The following NEMF variants were observed in gnomAD, a reference collection of about 807,000 sequenced individuals.
The protein encoded by NEMF is nuclear export mediator factor, also known as ribosome quality control complex subunit NEMF.
A neutral mutation model predicts 162.2 loss-of-function variants in NEMF; 89 were observed. The observed-to-expected ratio is 0.55, with a 90% CI of 0.46 to 0.65. The LOEUF (loss-of-function observed/expected upper bound fraction) is 0.65, where lower values mean the gene tolerates loss of function less well. Ranked by LOEUF, NEMF falls within the 30% of genes least tolerant of loss-of-function variation. The pLI is 0.00. For missense variants in NEMF, 1,133 were observed against 1,261.9 expected (o/e 0.90, Z 1.55); for synonymous variants, 421 against 404.5 (o/e 1.04, Z -0.49).
chr14:49,841,226 A>C (rs1387541811), intron 4 of NEMF, among the ~76,000 whole-genome samples: 20 of 150,812 alleles, frequency 1.3e-4, no homozygotes, highest in African/African-American at 4.9e-4. Flanking sequence ...AAGGAAATAA[A>C]AAAACAAAAC....
In NEMF at chr14:49,851,572, A is replaced by G. The variant is rs1211500329; in HGVS notation, c.222T>C (p.Phe74=). The G allele has an allele frequency of 1.9e-6, 3 of 1,611,084 alleles. No homozygotes were observed. The highest frequency in any genetic ancestry group is 1.7e-6 in the Non-Finnish European group (2 of 1,177,732). Residue 74 remains phenylalanine, a synonymous_variant, in exon 3 of 33, where the codon TTT becomes TTC. Coordinates refer to ENST00000298310, the MANE Select transcript of NEMF (RefSeq NM_004713.6). ...EWPKNMMPSS[F]AMKCRKHLKS... ...AGCGTAACAAGTTTACCTTCATGGC[A>G]AAACTAGACGGCATCATATTCTTAG... is the stretch of plus-strand genomic sequence containing the variant.
chr14:49,810,323 C>T (rs1460653108), intron 18 of NEMF, among the ~76,000 whole-genome samples: 1 of 152,088 alleles, frequency 6.6e-6, no homozygotes, highest in Non-Finnish European at 1.5e-5. Context: ...GCCGAGATCA[C>T]ACCACTGCAC....
At position 49,784,721 on chromosome 14, in the gene NEMF, A is replaced by C; in HGVS notation, c.3154-8T>G. The C allele has an allele frequency of 6.2e-7, 1 of 1,609,484 alleles. No individual in the cohort carries two copies. The highest frequency in any genetic ancestry group is 8.5e-7 in the Non-Finnish European group (1 of 1,176,534). On this transcript the variant is annotated splice_region_variant and splice_polypyrimidine_tract_variant and intron_variant, in intron 32 of 32. Transcript: ENST00000298310. ...TCTTGATAAATCTGTGTCCTAAAAA[A>C]AGAAAATTGCTGAATATCTTCACAT...
Position 49,800,631 on chromosome 14 carries a change from T to A in NEMF, c.2161A>T (p.Met721Leu), listed in dbSNP as rs146943011. The A allele has an allele frequency of 2.5e-6, 4 of 1,611,794 alleles. No individual in the cohort carries two copies. Among genetic ancestry groups the A allele is most frequent in the Non-Finnish European group, 3.4e-6 (4 of 1,178,030 alleles). ...EHETPVEVELMTQVDQEDITL... is the reference protein window; with the variant it reads ...EHETPVEVELLTQVDQEDITL... ...ATATCCTCTTGGTCAACCTGAGTCATGAGTTCTACTTCCACAGGAGTTTCA... is the reference window on the plus strand; with the variant it reads ...ATATCCTCTTGGTCAACCTGAGTCAAGAGTTCTACTTCCACAGGAGTTTCA... Residue 721 changes from methionine (M) to leucine (L), a missense_variant, in exon 23 of 33, where the codon ATG becomes TTG. Met to Leu is a conservative substitution (Grantham distance 15, BLOSUM62 2). This residue lies in a region of NEMF where 532 missense variants were observed against 578.6 expected (regional missense o/e 0.92). Transcript: ENST00000298310.
intron 26 of NEMF, among the ~76,000 whole-genome samples, chr14:49,794,645 AAAG>A (rs1890604813): frequency 6.6e-6 from 1 of 151,674 alleles, no homozygotes; most frequent in Non-Finnish European, 1.5e-5. Flanking sequence ...AAAAAATTGA[AAAG>A]AAATTTAAAT....
At chr14:49,800,876 G>A in intron 22 of NEMF, 180 bp from the exon 23 acceptor site, 1 of 574,388 alleles carries the variant, frequency 1.7e-6, no homozygotes, top group South Asian at 2.4e-5. Context: ...ATCATGAATA[G>A]GTTGAACTAA....
chr14:49,783,814 T>C lies in NEMF; in HGVS notation c.*822A>G. 6.6e-6 allele frequency: 1 copy of C among 151,916 alleles called. No individual in the cohort carries two copies. The highest frequency in any genetic ancestry group is 1.5e-5 in the Non-Finnish European group (1 of 67,950). 9.4% of individuals were successfully genotyped at this position (151,916 alleles called of 1,614,324 possible). On this transcript the variant is annotated 3_prime_UTR_variant, in exon 33 of 33. Coordinates refer to ENST00000298310, the MANE Select transcript of NEMF (RefSeq NM_004713.6). ...AATGAATAGAAATGATTAAGCTGAG[T>C]CATGAGAATTATTACTTATATTTTA...
Position 49,852,758 on chromosome 14 carries a change from A to C in NEMF, c.-5T>G. 1 of 1,614,180 alleles carries C rather than the reference A, an allele frequency of 6.2e-7. No homozygotes were observed. The highest frequency in any genetic ancestry group is 8.5e-7 in the Non-Finnish European group (1 of 1,180,034). On this transcript the variant is annotated 5_prime_UTR_variant, in exon 1 of 33. Transcript: ENST00000298310. ...GGTGCTAAAGCGGCTCTTCATGGCG[A>C]GGCCCGAGGGTCACTACCGCAAGTT... is the stretch of plus-strand genomic sequence containing the variant.
rs374566418 is a variant in NEMF at position 49,782,995 on chromosome 14, A to G, written c.*1641T>C. On this transcript the variant is annotated 3_prime_UTR_variant, in exon 33 of 33. Coordinates refer to ENST00000298310, the MANE Select transcript of NEMF (RefSeq NM_004713.6). The stretch of plus-strand genomic sequence containing the variant: ...CCTATGATCACCTTGCATGGACAGC[A>G]ATCCTGTAAACATCACAGAGTGGCA... 6.3e-7 allele frequency: 1 copy of G among 1,589,376 alleles called. No homozygotes were observed. The highest frequency in any genetic ancestry group is 8.6e-7 in the Non-Finnish European group (1 of 1,166,034).
At chr14:49,803,875 C>G (rs542090425) in intron 19 of NEMF, among the ~76,000 whole-genome samples, 2 of 152,092 alleles carry the variant, frequency 1.3e-5, no homozygotes, top group South Asian at 4.2e-4. Flanking sequence ...CTCATCTCTT[C>G]CAGCATGAGA....
intron 11 of NEMF, among the ~76,000 whole-genome samples, chr14:49,830,768 T>C (rs1213445872): frequency 6.6e-6 from 1 of 152,272 alleles, no homozygotes; most frequent in Non-Finnish European, 1.5e-5. Flanking sequence ...GAGTGACTAT[T>C]AACAATTTAT....
At chr14:49,825,804 A>T (rs1048786578) in intron 16 of NEMF, 63 bp downstream of exon 16, 1 of 1,096,932 alleles carries the variant, frequency 9.1e-7, no homozygotes. Flanking sequence ...ACTTTTCTAA[A>T]CAATGTGCAT....
Position 49,806,026 on chromosome 14 carries a change from G to A in NEMF, c.1852C>T (p.His618Tyr), listed in dbSNP as rs1161966984. The change falls in exon 19 of 33, where the codon CAT becomes TAT. Residue 618 changes from histidine to tyrosine, a missense_variant. This residue lies in a region of NEMF where 532 missense variants were observed against 578.6 expected (regional missense o/e 0.92). Coordinates refer to ENST00000298310, the MANE Select transcript of NEMF (RefSeq NM_004713.6). ...VITSAWWVYHHQVSKTAPTGE... is the reference protein window; with the variant it reads ...VITSAWWVYHYQVSKTAPTGE... ...AGGACAAGAGCCCTTATTACCTGAT[G>A]ATGGTACACCCACCAAGCACTAGTG... is the stretch of plus-strand genomic sequence containing the variant. 2.4e-5 allele frequency: 39 copies of A among 1,605,014 alleles called. No individual in the cohort carries two copies. Among genetic ancestry groups the A allele is most frequent in the Non-Finnish European group, 3.2e-5 (37 of 1,174,218 alleles).
chr14:49,814,605 G>A, intron 17 of NEMF, 149 bp downstream of exon 17: 3 of 548,082 alleles, frequency 5.5e-6, no homozygotes, highest in Non-Finnish European at 6.3e-6. Context: ...AAACACATAT[G>A]CAACAAACCA....
rs761693368 is a variant in NEMF, at chr14:49,838,220, C to G, written c.507-14G>C. On this transcript the variant is annotated splice_polypyrimidine_tract_variant and intron_variant, in intron 5 of 32. Transcript: ENST00000298310. ...ATTTCAGTCAACCTGTGAAACAAAACGGACATGCCTCTATCATATCTTAAA... is the reference window on the plus strand; with the variant it reads ...ATTTCAGTCAACCTGTGAAACAAAAGGGACATGCCTCTATCATATCTTAAA... 1.2e-6 allele frequency: 2 copies of G among 1,611,948 alleles called. No homozygotes were observed. Among genetic ancestry groups the G allele is most frequent in the Non-Finnish European group, 1.7e-6 (2 of 1,178,166 alleles).
chr14:49,844,558 A>T (rs896246308), intron 4 of NEMF, among the ~76,000 whole-genome samples: 1 of 152,090 alleles, frequency 6.6e-6, no homozygotes, highest in Admixed American at 6.6e-5. Context: ...ACAGTGAGTA[A>T]ATGTGAAGGC....
chr14:49,790,048 G>A (rs1191753411), intron 26 of NEMF, among the ~76,000 whole-genome samples: 1 of 152,038 alleles, frequency 6.6e-6, no homozygotes. Context: ...AATCACTCTA[G>A]GGGTTTTAAA....
In NEMF at chr14:49,834,385, C is replaced by T. The variant is rs559939783; in HGVS notation, c.639G>A (p.Val213=). 5 of 1,606,082 alleles carry T rather than the reference C, an allele frequency of 3.1e-6. No individual in the cohort carries two copies. The highest frequency in any genetic ancestry group is 4.3e-6 in the Non-Finnish European group (5 of 1,172,822). The change falls in exon 7 of 33, where the codon GTG becomes GTA. Residue 213 remains valine, a synonymous_variant. Coordinates refer to ENST00000298310, the MANE Select transcript of NEMF (RefSeq NM_004713.6). ...TACCTTTAGTTTCAAGTTTTTCATC[C>T]ACTTTGACATTACCCGAGAATCCAT... is the stretch of plus-strand genomic sequence containing the variant. ...LENGFSGNVK[V]DEKLETKDIE...
At position 49,800,593 on chromosome 14, in the gene NEMF, A is replaced by G. The variant is rs1890907380; in HGVS notation, c.2199T>C (p.Ser733=). Residue 733 remains serine, a synonymous_variant, in exon 23 of 33, where the codon AGT becomes AGC. Transcript: ENST00000298310. ...QVDQEDITLQ[S]GRDELNEELI... Reference sequence around the variant, plus strand: ...GCTCCTCATTTAGTTCATCTCTGCCACTCTGAAGAGTGATATCCTCTTGGT... The same window carrying G: ...GCTCCTCATTTAGTTCATCTCTGCCGCTCTGAAGAGTGATATCCTCTTGGT... 15 of 1,613,772 alleles carry G rather than the reference A, an allele frequency of 9.3e-6. No homozygotes were observed. Among genetic ancestry groups the G allele is most frequent in the Non-Finnish European group, 1.3e-5 (15 of 1,179,908 alleles).
Sources: gnomAD v4.1 joint callset for allele counts (sites outside exome capture counted in the v4.1 genomes callset) on GRCh38, gnomAD v4.1.1 for gene constraint, gnomAD v4.1.1 regional missense constraint, MANE v1.5 for transcripts, NCBI Gene and HGNC (gene_info 2026-07-23, HGNC 2026-07-21) for gene names.